The following SLC19A2 variants were observed in gnomAD, a reference collection of about 807,000 sequenced individuals.
The protein encoded by SLC19A2 is thiamine transporter 1.
Under a neutral mutation model 44.7 loss-of-function variants are expected in SLC19A2, and 27 were observed. The ratio of observed to expected loss-of-function variants is 0.60; its 90% CI spans 0.45 to 0.83. The LOEUF is 0.83. Among genes scored for constraint, SLC19A2 ranks in the 40% least tolerant of loss-of-function variants. The pLI is 0.00. For synonymous variants in SLC19A2, 239 were observed against 243.6 expected (o/e 0.98, Z 0.18); for missense variants, 566 against 613.7 (o/e 0.92, Z 0.82).
At chr1:169,481,672 C>G (rs1424808659) in intron 1 of SLC19A2, among the ~76,000 whole-genome samples, 1 of 152,204 alleles carries the variant, frequency 6.6e-6, no homozygotes. Context: ...TCTCACTTCA[C>G]GTAACATCTG....
At chr1:169,468,539 T>C (rs1658089582) in intron 4 of SLC19A2, 105 bp downstream of exon 4, 4 of 921,586 alleles carry the variant, frequency 4.3e-6, no homozygotes, top group Non-Finnish European at 6.9e-6. Flanking sequence ...CTTCCTCCCA[T>C]TTGCCTCATT....
intron 1 of SLC19A2, among the ~76,000 whole-genome samples, chr1:169,480,698 C>T (rs1296753513): frequency 6.6e-6 from 1 of 152,152 alleles, no homozygotes; most frequent in Non-Finnish European, 1.5e-5. Context: ...GCCATTAAAC[C>T]TTTCCTTTAA....
At chr1:169,475,775 G>A (rs930270470) in intron 2 of SLC19A2, among the ~76,000 whole-genome samples, 2 of 152,164 alleles carry the variant, frequency 1.3e-5, no homozygotes, top group Non-Finnish European at 2.9e-5. Context: ...GATGAGGGTT[G>A]CCCAGGCTCT....
Position 169,463,980 on chromosome 1 carries a change from T to C in SLC19A2, c.*1869A>G, listed in dbSNP as rs2101770096. On this transcript the variant is annotated 3_prime_UTR_variant, in exon 6 of 6. Transcript: ENST00000236137. ...AAATAATTTTATAATCTATACAGAA[T>C]TGAATAAAAAGTACAACAAATTATT... The C allele has an allele frequency of 6.6e-6, 1 of 152,554 alleles. No homozygotes were observed. Among genetic ancestry groups the C allele is most frequent in the Admixed American group, 6.5e-5 (1 of 15,298 alleles). 9.5% of individuals were successfully genotyped at this position (152,554 alleles called of 1,614,324 possible).
intron 1 of SLC19A2, among the ~76,000 whole-genome samples, chr1:169,485,254 G>A (rs1288265408): frequency 1.3e-5 from 2 of 152,234 alleles, no homozygotes; most frequent in African/African-American, 4.8e-5. Context: ...GCCCCCAGCA[G>A]GAACTGCTGG....
At chr1:169,469,451 A>G (rs1409066393) in intron 3 of SLC19A2, among the ~76,000 whole-genome samples, 2 of 152,208 alleles carry the variant, frequency 1.3e-5, no homozygotes, top group Admixed American at 1.3e-4. Flanking sequence ...TGACTTTACT[A>G]CTTACCATCC....
Position 169,480,003 on chromosome 1 carries a change from G to A in SLC19A2, c.205-2246C>T, listed in dbSNP as rs1571539568. The stretch of plus-strand genomic sequence containing the variant: ...AATACATTCCAGACAAAAGTGATCT[G>A]TTTAATGGCCTCACCTTCATGAATT... On this transcript the variant is annotated intron_variant, in intron 1 of 5. Coordinates refer to ENST00000236137, the MANE Select transcript of SLC19A2 (RefSeq NM_006996.3). Among the ~76,000 whole-genome samples, 3 of 152,322 alleles carry A rather than the reference G, an allele frequency of 2.0e-5. No homozygotes were observed. The Middle Eastern group carries it at 0.01, about 518-fold the overall frequency.
chr1:169,484,578 T>C (rs896997778), intron 1 of SLC19A2, among the ~76,000 whole-genome samples: 2 of 152,246 alleles, frequency 1.3e-5, no homozygotes, highest in Admixed American at 1.3e-4. Flanking sequence ...GGGTGTTGAA[T>C]CGGCTTTATT....
At position 169,467,336 on chromosome 1, in the gene SLC19A2, A is replaced by C. The variant is rs999024260; in HGVS notation, c.1365+775T>G. Among the ~76,000 whole-genome samples, 9 of 152,322 alleles carry C rather than the reference A, an allele frequency of 5.9e-5. No homozygotes were observed. In the East Asian group the frequency reaches 1.4e-3, roughly 23 times the overall value. On this transcript the variant is annotated intron_variant, in intron 5 of 5. Coordinates refer to ENST00000236137, the MANE Select transcript of SLC19A2 (RefSeq NM_006996.3). ...CTAATACAGCAACCCTACAAATCCT[A>C]TATAAAGCACTTGACACGTAGAGGC... is the stretch of plus-strand genomic sequence containing the variant.
At chr1:169,472,728 C>T (rs1414904769) in intron 2 of SLC19A2, among the ~76,000 whole-genome samples, 1 of 152,218 alleles carries the variant, frequency 6.6e-6, no homozygotes, top group Non-Finnish European at 1.5e-5. Flanking sequence ...GATGGCAGGT[C>T]CTGTTTATAA....
At chr1:169,485,463 C>A in intron 1 of SLC19A2, 100 bp downstream of exon 1, 1 of 1,325,064 alleles carries the variant, frequency 7.5e-7, no homozygotes, top group South Asian at 1.3e-5. Context: ...AAATCTCTGC[C>A]GAGAATGGCT....
chr1:169,484,147 A>G (rs1658500648), intron 1 of SLC19A2, among the ~76,000 whole-genome samples: 1 of 152,246 alleles, frequency 6.6e-6, no homozygotes, highest in African/African-American at 2.4e-5. Flanking sequence ...GATACTTGCT[A>G]GAAGTGAACA....
At chr1:169,477,037 C>T in intron 2 of SLC19A2, 118 bp downstream of exon 2, 2 of 1,153,444 alleles carry the variant, frequency 1.7e-6, no homozygotes, top group Non-Finnish European at 2.6e-6. Flanking sequence ...TAAACCAACT[C>T]AGGATAAAAC....
intron 1 of SLC19A2, among the ~76,000 whole-genome samples, chr1:169,482,356 A>G (rs1042685073): frequency 2.6e-4 from 39 of 152,338 alleles, no homozygotes; most frequent in African/African-American, 8.7e-4. Context: ...CCTGGCCAAC[A>G]TGGCAAAACC....
intron 5 of SLC19A2, 108 bp from the exon 6 acceptor site, chr1:169,466,085 T>TA (rs1347913139): frequency 1.5e-6 from 2 of 1,298,766 alleles, no homozygotes; most frequent in African/African-American, 1.5e-5. Context: ...ATTGCATACT[T>TA]ACACCACGTG....
Position 169,477,761 on chromosome 1 carries a change from G to GA in SLC19A2, c.205-5_205-4insT. 6.3e-7 allele frequency: 1 copy of GA among 1,591,496 alleles called. No individual in the cohort carries two copies. Among genetic ancestry groups the GA allele is most frequent in the Admixed American group, 1.7e-5 (1 of 58,306 alleles). The stretch of plus-strand genomic sequence containing the variant: ...CTGGATAAATTTCATTGAAGACCTG[G>GA]TAGAAAGAGAAAAAAAAAAAACAAA... On this transcript the variant is annotated splice_region_variant and splice_polypyrimidine_tract_variant and intron_variant, in intron 1 of 5. Transcript: ENST00000236137.
chr1:169,479,295 C>G, intron 1 of SLC19A2, among the ~76,000 whole-genome samples: 1 of 152,154 alleles, frequency 6.6e-6, no homozygotes, highest in East Asian at 1.9e-4. Flanking sequence ...ATATAGGCAA[C>G]TTTTATGTCC....
intron 3 of SLC19A2, 45 bp downstream of exon 3, chr1:169,469,919 G>T: frequency 6.5e-7 from 1 of 1,547,792 alleles, no homozygotes; most frequent in South Asian, 1.1e-5. Context: ...ACTACCAGAG[G>T]AATCCCTCCC....
In SLC19A2 at chr1:169,468,653, G is replaced by A. The variant is rs554433074; in HGVS notation, c.1214C>T (p.Thr405Met). 6.8e-6 allele frequency: 11 copies of A among 1,613,186 alleles called. No homozygotes were observed. Among genetic ancestry groups the A allele is most frequent in the Middle Eastern group, 1.6e-4 (1 of 6,082 alleles). ...VFRIIYMLLI[T>M]IATFQIAANL... ...GAGCCAAAATACATACGTTGCTATC[G>A]TGATGAGTAACATGTAGATGATTCT... Residue 405 changes from threonine to methionine, a missense_variant, in exon 4 of 6, where the codon ACG (threonine) becomes ATG (methionine). Transcript: ENST00000236137.
Sources: gnomAD v4.1 joint callset for allele counts (sites outside exome capture counted in the v4.1 genomes callset) on GRCh38, gnomAD v4.1.1 for gene constraint, MANE v1.5 for transcripts, NCBI Gene and HGNC (gene_info 2026-07-23, HGNC 2026-07-21) for gene names.